Variants in VPS35L observed in about 807,000 individuals in gnomAD.
VPS35L encodes VPS35 endosomal protein-sorting factor-like.
In VPS35L, 83 loss-of-function variants were observed where a neutral mutation model predicts 133.0. The observed-to-expected ratio is 0.62, with a 90% CI of 0.52 to 0.75. The LOEUF (loss-of-function observed/expected upper bound fraction) is 0.75, where lower values mean the gene tolerates loss of function less well. VPS35L is among the 30% of genes least tolerant of loss of function. The pLI is 0.00. For synonymous variants in VPS35L, 423 were observed against 449.9 expected (o/e 0.94, Z 0.76); for missense variants, 1,083 against 1,206.8 (o/e 0.90, Z 1.52).
intron 26 of VPS35L, among the ~76,000 whole-genome samples, chr16:19,658,485 G>A (rs1015500294): frequency 2.6e-5 from 4 of 152,074 alleles, no homozygotes; most frequent in Non-Finnish European, 5.9e-5. Flanking sequence ...AGCCAAGATC[G>A]CACCACTGTC....
At chr16:19,567,877 G>T (rs1011329611) in intron 2 of VPS35L, among the ~76,000 whole-genome samples, 5 of 151,950 alleles carry the variant, frequency 3.3e-5, no homozygotes, top group African/African-American at 1.2e-4. Context: ...GACGGAGGCA[G>T]GAAGATTGCT....
intron 23 of VPS35L, among the ~76,000 whole-genome samples, chr16:19,646,481 CA>C (rs1001819154): frequency 6.6e-6 from 1 of 152,146 alleles, no homozygotes; most frequent in Non-Finnish European, 1.5e-5. Flanking sequence ...GCCTCACCAA[CA>C]TGGTGAAACC....
intron 14 of VPS35L, among the ~76,000 whole-genome samples, chr16:19,624,203 C>G (rs148181151): frequency 6.7e-6 from 1 of 149,808 alleles, no homozygotes; most frequent in Non-Finnish European, 1.5e-5. Context: ...GCAGCCTCCA[C>G]CTCCTGGGCT....
At chr16:19,565,533 A>G (rs1397979338) in intron 2 of VPS35L, among the ~76,000 whole-genome samples, 1 of 152,064 alleles carries the variant, frequency 6.6e-6, no homozygotes, top group Non-Finnish European at 1.5e-5. Context: ...TTTTATTTTT[A>G]GTAGAGACAG....
chr16:19,662,542 TA>T (rs1974522697), intron 26 of VPS35L, among the ~76,000 whole-genome samples: 1 of 152,124 alleles, frequency 6.6e-6, no homozygotes. Flanking sequence ...AGGTCTCGAG[TA>T]AACACCACTA....
chr16:19,638,736 GA>G (rs1973696851), intron 20 of VPS35L, among the ~76,000 whole-genome samples: 1 of 152,164 alleles, frequency 6.6e-6, no homozygotes, highest in Non-Finnish European at 1.5e-5. Context: ...TAGACAAAGG[GA>G]TGACTCACAA....
intron 18 of VPS35L, among the ~76,000 whole-genome samples, chr16:19,631,037 T>C (rs1220496446): frequency 6.6e-6 from 1 of 151,970 alleles, no homozygotes; most frequent in Admixed American, 6.6e-5. Context: ...AAATAAGTCC[T>C]GAGTTGCTCA....
At chr16:19,604,904 C>A (rs180720159) in intron 9 of VPS35L, among the ~76,000 whole-genome samples, 1 of 152,310 alleles carries the variant, frequency 6.6e-6, no homozygotes, top group Admixed American at 6.5e-5. Flanking sequence ...AGTTCTTAAT[C>A]CAGCTTATGC....
rs1976107043 is a variant in VPS35L, at chr16:19,700,820, A to G, written c.*344A>G. 4.2e-6 allele frequency: 1 copy of G among 240,732 alleles called. No homozygotes were observed. Among genetic ancestry groups the G allele is most frequent in the African/African-American group, 2.2e-5 (1 of 44,892 alleles). 14.9% of individuals were successfully genotyped at this position (240,732 alleles called of 1,614,324 possible). A position where few individuals can be genotyped will look rare whatever the true frequency, so the allele number is the denominator to read the frequency against. On this transcript the variant is annotated 3_prime_UTR_variant, in exon 31 of 31. Transcript: ENST00000417362. The stretch of plus-strand genomic sequence containing the variant: ...CTCTGGAAGGTGTTTGTTTTTTCAT[A>G]GTTTAGAAATAAGGACTTTAAAAGT...
chr16:19,698,809 T>C (rs1976008591), intron 29 of VPS35L, among the ~76,000 whole-genome samples: 1 of 152,184 alleles, frequency 6.6e-6, no homozygotes, highest in African/African-American at 2.4e-5. Flanking sequence ...TTCGTTTACC[T>C]TGGGGAAGTT....
chr16:19,663,940 G>T (rs1974577740), intron 26 of VPS35L, among the ~76,000 whole-genome samples: 1 of 151,844 alleles, frequency 6.6e-6, no homozygotes, highest in African/African-American at 2.4e-5. Flanking sequence ...CCATCTGTGG[G>T]GTTTTAATGG....
intron 14 of VPS35L, chr16:19,617,216 G>T: frequency 2.2e-6 from 1 of 463,872 alleles, no homozygotes; most frequent in Non-Finnish European, 3.9e-6. Context: ...AAATTAGCCA[G>T]ACACGGTGAT....
At chr16:19,584,451 A>AC (rs1331979300) in intron 7 of VPS35L, among the ~76,000 whole-genome samples, 2 of 151,740 alleles carry the variant, frequency 1.3e-5, no homozygotes, top group Admixed American at 6.6e-5. Flanking sequence ...ACATGGTAAA[A>AC]CCCCATCTCT....
intron 26 of VPS35L, among the ~76,000 whole-genome samples, chr16:19,659,876 C>T (rs529910848): frequency 2.6e-5 from 4 of 152,198 alleles, no homozygotes; most frequent in South Asian, 2.1e-4. Flanking sequence ...TAAACTCATA[C>T]GGAGATAGAA....
chr16:19,648,163 C>G (rs1974011740), intron 24 of VPS35L, among the ~76,000 whole-genome samples: 1 of 152,100 alleles, frequency 6.6e-6, no homozygotes, highest in African/African-American at 2.4e-5. Context: ...GATGGGGTCT[C>G]TGTGTTGCCC....
At chr16:19,579,217 T>C in intron 6 of VPS35L, 89 bp downstream of exon 6, 1 of 1,208,650 alleles carries the variant, frequency 8.3e-7, no homozygotes, top group South Asian at 1.4e-5. Context: ...TGCTCTTTGA[T>C]TAATTCCTGG....
chr16:19,677,508 G>A (rs1238805472), intron 27 of VPS35L, among the ~76,000 whole-genome samples: 2 of 152,230 alleles, frequency 1.3e-5, no homozygotes, highest in Non-Finnish European at 2.9e-5. Flanking sequence ...ACACTAGTAA[G>A]TAGTCAGCTA....
chr16:19,650,699 A>T (rs1974096850), intron 25 of VPS35L, among the ~76,000 whole-genome samples: 1 of 152,188 alleles, frequency 6.6e-6, no homozygotes, highest in South Asian at 2.1e-4. Context: ...TGAATGAGCG[A>T]TGGATCTGCA....
At chr16:19,693,628 G>GA (rs1405177401) in intron 29 of VPS35L, among the ~76,000 whole-genome samples, 4 of 151,972 alleles carry the variant, frequency 2.6e-5, no homozygotes, top group African/African-American at 4.8e-5. Context: ...AAAAAATACA[G>GA]AAAAAATTAG....
Sources: allele counts gnomAD v4.1 joint callset (sites outside exome capture counted in the v4.1 genomes callset), GRCh38; gene constraint gnomAD v4.1.1; transcripts MANE v1.5; gene names NCBI Gene and HGNC (gene_info 2026-07-23, HGNC 2026-07-21).